ALG6: variants seen among roughly 807,000 people sequenced by gnomAD.
ALG6 encodes dolichyl pyrophosphate Man9GlcNAc2 alpha-1,3-glucosyltransferase.
A neutral mutation model predicts 66.6 loss-of-function variants in ALG6; 46 were observed. The ratio of observed to expected loss-of-function variants is 0.69; its 90% CI spans 0.55 to 0.88. ALG6 has a LOEUF of 0.88. ALG6 is among the 40% of genes least tolerant of loss of function. The pLI, the probability that ALG6 is intolerant of heterozygous loss-of-function variation, is 0.00. For missense variants in ALG6, 505 were observed against 586.8 expected, an observed-to-expected ratio of 0.86 and a Z score of 1.44; for synonymous variants, 185 against 203.7, an observed-to-expected ratio of 0.91 and a Z score of 0.78.
rs1557587318 is a variant in ALG6 at position 63,400,222 on chromosome 1, CGTATATAT to C, written c.168-2031_168-2024del. 7.3e-4 allele frequency among the ~76,000 whole-genome samples: 9 copies of C among 12,258 alleles called. 2 individuals carry two copies. Among genetic ancestry groups the C allele is most frequent in the Non-Finnish European group, 1.0e-3 (9 of 8,774 alleles). 8.0% of individuals were successfully genotyped at this position (12,258 alleles called of 152,430 possible). ...AAAAAAAAAAATATATATATATATA[CGTATATAT>C]ATATATATATATACGTATATATATG... On this transcript the variant is annotated intron_variant, in intron 3 of 14. Transcript: ENST00000263440.
At chr1:63,400,125 C>T (rs1448356437) in intron 3 of ALG6, among the ~76,000 whole-genome samples, 3 of 143,148 alleles carry the variant, frequency 2.1e-5, no homozygotes, top group Non-Finnish European at 3.0e-5. Context: ...ACCTGGGAGG[C>T]GGAGGTTGCA....
chr1:63,417,402 G>A (rs373920906), intron 11 of ALG6, among the ~76,000 whole-genome samples: 344 of 152,064 alleles, frequency 2.3e-3, no homozygotes, highest in African/African-American at 8.0e-3. Flanking sequence ...TTTTCAGTTT[G>A]GTATGTTTTA....
intron 14 of ALG6, among the ~76,000 whole-genome samples, chr1:63,434,429 G>A (rs1022885267): frequency 2.0e-5 from 3 of 152,132 alleles, no homozygotes; most frequent in African/African-American, 7.2e-5. Flanking sequence ...AGTATGAGGA[G>A]ACCAAGAGTT....
At chr1:63,367,994 C>G (rs1647780704) in intron 1 of ALG6, among the ~76,000 whole-genome samples, 1 of 152,116 alleles carries the variant, frequency 6.6e-6, no homozygotes, top group Non-Finnish European at 1.5e-5. Context: ...CCCTTTCGCC[C>G]CATATACACG....
rs138576698 is a variant in ALG6, at chr1:63,383,145, C to T, written c.82+12086C>T. On this transcript the variant is annotated intron_variant, in intron 2 of 14. Transcript: ENST00000263440. ...ATTTTTTTGAGATAGAGTCTCGCTC[C>T]ATTGCCCTGTGCTCCAGCACAGGCT... is the stretch of plus-strand genomic sequence containing the variant. Among the ~76,000 whole-genome samples, 525 of 151,620 alleles carry T rather than the reference C, an allele frequency of 3.5e-3. 3 individuals carry two copies. The highest frequency in any genetic ancestry group is 0.011 in the African/African-American group (465 of 41,340).
chr1:63,369,217 G>T (rs1647828458), intron 1 of ALG6, among the ~76,000 whole-genome samples: 1 of 152,222 alleles, frequency 6.6e-6, no homozygotes, highest in African/African-American at 2.4e-5. Context: ...GGAAGCTTTA[G>T]TAGGATAGTC....
At chr1:63,369,613 G>T (rs551148471) in intron 1 of ALG6, among the ~76,000 whole-genome samples, 9 of 149,358 alleles carry the variant, frequency 6.0e-5, no homozygotes, top group Non-Finnish European at 1.2e-4. Flanking sequence ...TGGGCAACAA[G>T]AGCAAAGCTC....
In ALG6 at chr1:63,436,741, A is replaced by G. The variant is rs192182545; in HGVS notation, c.1327-82A>G. 3 of 1,365,484 alleles carry G rather than the reference A, an allele frequency of 2.2e-6. No individual in the cohort carries two copies. The East Asian group carries it at 6.9e-5, about 31-fold the overall frequency. The allele number at this position is 1,365,484 out of a possible 1,614,324, so 84.6% of individuals were successfully genotyped here. On this transcript the variant is annotated intron_variant, in intron 14 of 14. Coordinates refer to ENST00000263440, the MANE Select transcript of ALG6 (RefSeq NM_013339.4). ...TCAACCCTCACCTTTAATTCTGCTCATTTAATAGCTACAAGTCAATGTTTC... is the reference window on the plus strand; with the variant it reads ...TCAACCCTCACCTTTAATTCTGCTCGTTTAATAGCTACAAGTCAATGTTTC...
chr1:63,422,936 C>T lies in ALG6; in HGVS notation c.1058+3496C>T, dbSNP rs147901258. On this transcript the variant is annotated intron_variant, in intron 12 of 14. Coordinates refer to ENST00000263440, the MANE Select transcript of ALG6 (RefSeq NM_013339.4). The stretch of plus-strand genomic sequence containing the variant: ...CACCATTGCATTCCAGCATGGGCAA[C>T]GAGAGCAAAACTCCGTCTCAAAAAA... Among the ~76,000 whole-genome samples, 1,127 of 150,892 alleles carry T rather than the reference C, an allele frequency of 7.5e-3. 10 individuals are homozygous for T. Among genetic ancestry groups the T allele is most frequent in the African/African-American group, 0.025 (1,013 of 41,022 alleles).
At chr1:63,400,307 G>GTA (rs1222432017) in intron 3 of ALG6, among the ~76,000 whole-genome samples, 1 of 7,574 alleles carries the variant, frequency 1.3e-4, no homozygotes, top group Non-Finnish European at 1.8e-4. Flanking sequence ...GTATATATAT[G>GTA]TATATATATA....
At chr1:63,418,533 A>C (rs1211478381) in intron 11 of ALG6, among the ~76,000 whole-genome samples, 1 of 152,108 alleles carries the variant, frequency 6.6e-6, no homozygotes, top group Non-Finnish European at 1.5e-5. Flanking sequence ...AAGGGAAGGC[A>C]GGAACCAGAT....
intron 11 of ALG6, among the ~76,000 whole-genome samples, chr1:63,416,607 A>G (rs764524063): frequency 2.0e-5 from 3 of 152,184 alleles, no homozygotes; most frequent in Non-Finnish European, 2.9e-5. Flanking sequence ...CTTGGTTGAA[A>G]AGGTTTGGAG....
intron 12 of ALG6, among the ~76,000 whole-genome samples, chr1:63,421,346 A>G (rs540873919): frequency 6.6e-6 from 1 of 152,238 alleles, no homozygotes; most frequent in South Asian, 2.1e-4. Context: ...GTTTGTGGAG[A>G]AATAGGAATG....
chr1:63,373,852 G>T (rs1446677689), intron 2 of ALG6, among the ~76,000 whole-genome samples: 1 of 151,534 alleles, frequency 6.6e-6, no homozygotes, highest in Non-Finnish European at 1.5e-5. Context: ...GAACTCCTGG[G>T]CTCGAGCAAT....
Position 63,386,751 on chromosome 1 carries a change from G to A in ALG6, c.83-9762G>A, listed in dbSNP as rs186192643. Among the ~76,000 whole-genome samples, 459 of 151,436 alleles carry A rather than the reference G, an allele frequency of 3.0e-3. 2 individuals carry two copies. The highest frequency in any genetic ancestry group is 9.9e-3 in the African/African-American group (411 of 41,314). On this transcript the variant is annotated intron_variant, in intron 2 of 14. Coordinates refer to ENST00000263440, the MANE Select transcript of ALG6 (RefSeq NM_013339.4). ...GTGTCTCAATTTTGTTTATCTTTTC[G>A]AAAACCAACTTTTTGTTTTGTTGAT...
chr1:63,398,054 T>C (rs1421291769), intron 3 of ALG6, among the ~76,000 whole-genome samples: 1 of 152,232 alleles, frequency 6.6e-6, no homozygotes, highest in Non-Finnish European at 1.5e-5. Flanking sequence ...TTTATTGACT[T>C]ACTAGATGGT....
At position 63,412,158 on chromosome 1, in the gene ALG6, T is replaced by C; in HGVS notation, c.816+97T>C. 7 of 1,529,944 alleles carry C rather than the reference T, an allele frequency of 4.6e-6. No homozygotes were observed. In the South Asian group the frequency reaches 7.9e-5, roughly 17 times the overall value. 94.8% of individuals were successfully genotyped at this position (1,529,944 alleles called of 1,614,324 possible). A position where few individuals can be genotyped will look rare whatever the true frequency, so the allele number is the denominator to read the frequency against. On this transcript the variant is annotated intron_variant, in intron 9 of 14. Transcript: ENST00000263440. ...AGGTACAAGGAATAGGAACTTCAGC[T>C]ACTTTCCTCCTGTAATCATTCCTTG...
In ALG6 at chr1:63,411,008, G is replaced by T. The variant is rs115754116; in HGVS notation, c.495-138G>T. The T allele has an allele frequency of 1.5e-5, 12 of 805,672 alleles. No individual in the cohort carries two copies. In the South Asian group the frequency reaches 2.2e-4, roughly 15 times the overall value. 49.9% of individuals were successfully genotyped at this position (805,672 alleles called of 1,614,324 possible). On this transcript the variant is annotated intron_variant, in intron 7 of 14. Coordinates refer to ENST00000263440, the MANE Select transcript of ALG6 (RefSeq NM_013339.4). ...TTTCTATTGGGAAATAGCTTTCATTGTATATGTTATTTTAAAATCACATAA... is the reference window on the plus strand; with the variant it reads ...TTTCTATTGGGAAATAGCTTTCATTTTATATGTTATTTTAAAATCACATAA...
intron 11 of ALG6, among the ~76,000 whole-genome samples, chr1:63,418,489 A>G (rs918061207): frequency 5.9e-5 from 9 of 152,084 alleles, no homozygotes; most frequent in Admixed American, 5.9e-4. Context: ...TGGCTGCTGT[A>G]AAATGAGTGA....
Sources: allele counts gnomAD v4.1 joint callset (sites outside exome capture counted in the v4.1 genomes callset), GRCh38; gene constraint gnomAD v4.1.1; transcripts MANE v1.5; gene names NCBI Gene and HGNC (gene_info 2026-07-23, HGNC 2026-07-21).